The following CDH13 variants were observed in gnomAD, a reference collection of about 807,000 sequenced individuals.
CDH13 encodes cadherin-13.
In CDH13, 24 loss-of-function variants were observed where a neutral mutation model predicts 63.8. The ratio of observed to expected loss-of-function variants is 0.38; its 90% CI spans 0.27 to 0.53. The LOEUF (loss-of-function observed/expected upper bound fraction) is 0.53, where lower values mean the gene tolerates loss of function less well. Ranked by LOEUF, CDH13 falls within the 20% of genes least tolerant of loss-of-function variation. The pLI, the probability that CDH13 is intolerant of heterozygous loss-of-function variation, is 0.85. For missense variants in CDH13, 1,049 were observed against 903.1 expected (o/e 1.16, Z -2.07); for synonymous variants, 503 against 355.3 (o/e 1.42, Z -4.67).
intron 7 of CDH13, among the ~76,000 whole-genome samples, chr16:83,565,087 C>T (rs1360985540): frequency 3.9e-5 from 6 of 152,200 alleles, no homozygotes; most frequent in Non-Finnish European, 8.8e-5. Flanking sequence ...CCCTGCCCTA[C>T]ACCTGCCAGG....
chr16:83,400,673 G>C (rs2091954719), intron 6 of CDH13, among the ~76,000 whole-genome samples: 1 of 152,196 alleles, frequency 6.6e-6, no homozygotes, highest in Non-Finnish European at 1.5e-5. Context: ...CAGTGGGGTT[G>C]TGATAGATCC....
intron 7 of CDH13, among the ~76,000 whole-genome samples, chr16:83,572,163 C>T (rs1598309676): frequency 8.1e-6 from 1 of 123,442 alleles, no homozygotes; most frequent in African/African-American, 3.0e-5. Context: ...ATTTTTTATT[C>T]CACTTTCCTG....
intron 4 of CDH13, among the ~76,000 whole-genome samples, chr16:83,154,621 C>G (rs1448683357): frequency 6.6e-6 from 1 of 151,792 alleles, no homozygotes; most frequent in Non-Finnish European, 1.5e-5. Flanking sequence ...ATTAGGAGGC[C>G]GTAGTGTTAC....
chr16:82,861,593 G>T (rs1444972354), intron 2 of CDH13, among the ~76,000 whole-genome samples: 1 of 152,088 alleles, frequency 6.6e-6, no homozygotes, highest in African/African-American at 2.4e-5. Flanking sequence ...AATTTTCAAT[G>T]ACTTATCTTT....
intron 8 of CDH13, among the ~76,000 whole-genome samples, chr16:83,615,278 C>T (rs533412357): frequency 6.6e-6 from 1 of 152,172 alleles, no homozygotes; most frequent in South Asian, 2.1e-4. Context: ...ACCCCGACCA[C>T]GTAATTACAC....
chr16:83,162,805 A>T (rs929781400), intron 4 of CDH13, among the ~76,000 whole-genome samples: 1 of 152,116 alleles, frequency 6.6e-6, no homozygotes, highest in East Asian at 1.9e-4. Context: ...ATTTCAACAG[A>T]GACAGTCTGT....
chr16:83,377,901 A>G (rs1358783304), intron 6 of CDH13, among the ~76,000 whole-genome samples: 4 of 152,178 alleles, frequency 2.6e-5, no homozygotes, highest in Admixed American at 6.5e-5. Context: ...CTTCAAGCAG[A>G]TAAGTTCTGA....
intron 4 of CDH13, among the ~76,000 whole-genome samples, chr16:83,144,285 TC>T (rs2036655876): frequency 6.6e-6 from 1 of 152,196 alleles, no homozygotes; most frequent in African/African-American, 2.4e-5. Flanking sequence ...TTGACACTCT[TC>T]CAAATAGTTG....
At chr16:83,586,011 G>A (rs1906120570) in intron 7 of CDH13, among the ~76,000 whole-genome samples, 1 of 152,196 alleles carries the variant, frequency 6.6e-6, no homozygotes, top group African/African-American at 2.4e-5. Flanking sequence ...AGCAACCACA[G>A]CAACTTCACA....
Position 83,529,721 on chromosome 16 carries a change from A to G in CDH13, c.960+43066A>G, listed in dbSNP as rs150023081. Among the ~76,000 whole-genome samples the G allele has an allele frequency of 1.7e-3, 253 of 152,334 alleles. No homozygotes were observed. The Middle Eastern group carries it at 0.024, about 14-fold the overall frequency. The stretch of plus-strand genomic sequence containing the variant: ...ATACAAGCACAAAGGAAAATTATGC[A>G]TAACAGAATTTTATCTATTAAACGA... On this transcript the variant is annotated intron_variant, in intron 7 of 13. Transcript: ENST00000567109.
rs572027995 is a variant in CDH13, at chr16:83,681,676, C to T, written c.1538+3215C>T. ...CATCACCGACAGGTTGAGCTATTGT[C>T]ATGGGAGCTCTTTGGGAAAAAGAGG... On this transcript the variant is annotated intron_variant, in intron 10 of 13. Coordinates refer to ENST00000567109, the MANE Select transcript of CDH13 (RefSeq NM_001257.5). 3.9e-5 allele frequency among the ~76,000 whole-genome samples: 6 copies of T among 152,274 alleles called. No individual in the cohort carries two copies. In the East Asian group the frequency reaches 1.2e-3, roughly 29 times the overall value.
At chr16:82,798,696 C>A (rs2036704946) in intron 1 of CDH13, among the ~76,000 whole-genome samples, 1 of 152,040 alleles carries the variant, frequency 6.6e-6, no homozygotes, top group Admixed American at 6.6e-5. Context: ...CATAGGCTAG[C>A]CTGTTTGGGT....
intron 7 of CDH13, among the ~76,000 whole-genome samples, chr16:83,492,367 A>C (rs115794863): frequency 1.3e-5 from 2 of 152,188 alleles, no homozygotes; most frequent in African/African-American, 2.4e-5. Context: ...ACACAATTCA[A>C]TCATGCTGTC....
At chr16:83,403,745 G>T (rs1005394290) in intron 6 of CDH13, among the ~76,000 whole-genome samples, 1 of 152,140 alleles carries the variant, frequency 6.6e-6, no homozygotes, top group Non-Finnish European at 1.5e-5. Flanking sequence ...AGGACATCCT[G>T]TTGTGATGGA....
chr16:82,892,404 C>G (rs2041112117), intron 2 of CDH13, among the ~76,000 whole-genome samples: 1 of 152,150 alleles, frequency 6.6e-6, no homozygotes, highest in Admixed American at 6.6e-5. Context: ...AAAGTCAAAT[C>G]CACTTTTCAT....
At chr16:83,186,119 T>C (rs933259782) in intron 4 of CDH13, among the ~76,000 whole-genome samples, 10 of 146,280 alleles carry the variant, frequency 6.8e-5, no homozygotes, top group African/African-American at 1.0e-4. Flanking sequence ...TATTTTATTT[T>C]ATTTTATTTT....
At chr16:83,586,318 G>A (rs1392880476) in intron 7 of CDH13, among the ~76,000 whole-genome samples, 1 of 152,196 alleles carries the variant, frequency 6.6e-6, no homozygotes, top group African/African-American at 2.4e-5. Flanking sequence ...GAGAGAGGGC[G>A]GTTGAGTTCA....
intron 6 of CDH13, among the ~76,000 whole-genome samples, chr16:83,411,393 G>T (rs1210919349): frequency 1.3e-5 from 2 of 152,120 alleles, no homozygotes; most frequent in Non-Finnish European, 2.9e-5. Context: ...TCACCGTTGT[G>T]TGGTTTATTG....
intron 7 of CDH13, among the ~76,000 whole-genome samples, chr16:83,585,302 C>G (rs916723464): frequency 1.3e-5 from 2 of 152,116 alleles, no homozygotes; most frequent in South Asian, 2.1e-4. Flanking sequence ...CAAAGTAAGA[C>G]ACAACAGTAA....
Sources: allele counts gnomAD v4.1 joint callset (sites outside exome capture counted in the v4.1 genomes callset), GRCh38; gene constraint gnomAD v4.1.1; transcripts MANE v1.5; gene names NCBI Gene and HGNC (gene_info 2026-07-23, HGNC 2026-07-21).